ITGB4: variants seen among roughly 807,000 people sequenced by gnomAD.
ITGB4 encodes integrin subunit beta 4.
A neutral mutation model predicts 207.6 loss-of-function variants in ITGB4; 159 were observed. That is an observed-to-expected ratio of 0.77 (90% confidence interval 0.67 to 0.87). The LOEUF (loss-of-function observed/expected upper bound fraction) is 0.87, where lower values mean the gene tolerates loss of function less well. Ranked by LOEUF, ITGB4 falls within the 40% of genes least tolerant of loss-of-function variation. ITGB4 has a pLI of 0.00. For missense variants in ITGB4, 2,278 were observed against 2,546.8 expected (o/e 0.89, Z 2.27); for synonymous variants, 1,020 against 1,062.7 (o/e 0.96, Z 0.78).
chr17:75,754,352 G>A (rs760207911), intron 33 of ITGB4: 26 of 614,910 alleles, frequency 4.2e-5, no homozygotes, highest in Non-Finnish European at 6.6e-5. Context: ...TGCTCACACC[G>A]ATAGAGTGGC....
At position 75,737,568 on chromosome 17, in the gene ITGB4, TC is replaced by T; in HGVS notation, c.2149del (p.Leu717CysfsTer52). 6.3e-7 allele frequency: 1 copy of T among 1,596,452 alleles called. No individual in the cohort carries two copies. ...DCPPGSFWWL[I>X]PLLLLLLPLL... The stretch of plus-strand genomic sequence containing the variant: ...CCTCCGGGCTCCTTCTGGTGGCTCA[TC>T]CCCCTGCTCCTCCTCCTCCTGCCGC... On this transcript the variant is annotated frameshift_variant, in exon 18 of 40. Coordinates refer to ENST00000200181, the MANE Select transcript of ITGB4 (RefSeq NM_000213.5). LOFTEE classifies it high-confidence loss of function.
At position 75,731,471 on chromosome 17, in the gene ITGB4, C is replaced by T. The variant is rs1233113605; in HGVS notation, c.1215+103C>T. ...CAAGAGCGTGGCCCCTGGAGTCAGG[C>T]AGGCCTGGGTGCAGATCCCTGGGCC... On this transcript the variant is annotated intron_variant, in intron 10 of 39. Transcript: ENST00000200181. The surrounding 1 kb of genome is among the most constrained non-coding windows in gnomAD (Gnocchi z 6.8). 2 of 1,254,698 alleles carry T rather than the reference C, an allele frequency of 1.6e-6. No homozygotes were observed. Among genetic ancestry groups the T allele is most frequent in the Non-Finnish European group, 2.2e-6 (2 of 891,958 alleles). 77.7% of individuals were successfully genotyped at this position (1,254,698 alleles called of 1,614,324 possible).
At position 75,750,169 on chromosome 17, in the gene ITGB4, C is replaced by A; in HGVS notation, c.3375C>A (p.Gly1125=). 4 of 1,613,864 alleles carry A rather than the reference C, an allele frequency of 2.5e-6. No homozygotes were observed. The highest frequency in any genetic ancestry group is 3.4e-6 in the Non-Finnish European group (4 of 1,180,028). Residue 1125 remains glycine, a synonymous_variant, in exon 28 of 40, where the codon GGC becomes GGA. Transcript: ENST00000200181. The surrounding 1 kb of genome is among the most constrained non-coding windows in gnomAD (Gnocchi z 5.5). ...TGTCATCACAGCCACCCCCTCACGG[C>A]GACCTGGGCGCCCCGCAGAACCCCA... ...QMLSSQPPPH[G]DLGAPQNPNA...
chr17:75,729,469 C>A lies in ITGB4; in HGVS notation c.738+33C>A. On this transcript the variant is annotated intron_variant, in intron 7 of 39. Transcript: ENST00000200181. The surrounding 1 kb of genome is among the most constrained non-coding windows in gnomAD (Gnocchi z 4.4). The stretch of plus-strand genomic sequence containing the variant: ...CTGGGAAGGGTGCTGCCAGCCTAGG[C>A]CAGGGGTGAGCACTTCTGGGCAAGG... 1 of 1,607,916 alleles carries A rather than the reference C, an allele frequency of 6.2e-7. No individual in the cohort carries two copies.
chr17:75,737,205 A>T (rs1209657916), intron 16 of ITGB4, 117 bp from the exon 17 acceptor site: 5 of 1,316,772 alleles, frequency 3.8e-6, no homozygotes, highest in Non-Finnish European at 5.2e-6. Context: ...ACTCTTCCCC[A>T]GGAGGCCCTG....
At chr17:75,746,957 A>C (rs939852871) in intron 26 of ITGB4, among the ~76,000 whole-genome samples, 1 of 147,484 alleles carries the variant, frequency 6.8e-6, no homozygotes. Context: ...AAAAGCTTTG[A>C]TATTTGTTTT....
At chr17:75,754,461 T>C in intron 33 of ITGB4, 115 bp from the exon 34 acceptor site, 1 of 1,378,426 alleles carries the variant, frequency 7.3e-7, no homozygotes, top group South Asian at 1.2e-5. Context: ...ACTGGTTGTA[T>C]TTAAGCAAAA....
At chr17:75,751,703 C>T (rs963699820) in intron 30 of ITGB4, 14 of 228,100 alleles carry the variant, frequency 6.1e-5, no homozygotes, top group Non-Finnish European at 9.7e-5. Flanking sequence ...ATCGTGTTAC[C>T]GCACTCCAGA....
intron 35 of ITGB4, among the ~76,000 whole-genome samples, chr17:75,756,094 C>T (rs893148041): frequency 1.3e-5 from 2 of 152,220 alleles, no homozygotes; most frequent in South Asian, 2.1e-4. Flanking sequence ...TTTTGCCTAA[C>T]AAGGCCCCTT....
intron 39 of ITGB4, 41 bp from the exon 40 acceptor site, chr17:75,757,375 C>T (rs537736971): frequency 1.9e-6 from 3 of 1,612,866 alleles, no homozygotes; most frequent in African/African-American, 2.7e-5. Flanking sequence ...GGGAGAAGGG[C>T]AGACCCCAAG....
rs1342757841 is a variant in ITGB4 at position 75,752,578 on chromosome 17, G to A, written c.4108+1G>A. 2 of 1,613,520 alleles carry A rather than the reference G, an allele frequency of 1.2e-6. No individual in the cohort carries two copies. Among genetic ancestry groups the A allele is most frequent in the African/African-American group, 1.3e-5 (1 of 75,062 alleles). ...AGGCCCAGCGTCTCCGATGACACTG[G>A]TGAGTGGAGACCTGGGACCCACAAG... On this transcript the variant is annotated splice_donor_variant, in intron 32 of 39. Coordinates refer to ENST00000200181, the MANE Select transcript of ITGB4 (RefSeq NM_000213.5). LOFTEE classifies it high-confidence loss of function.
Position 75,742,587 on chromosome 17 carries a change from C to G in ITGB4, c.2788C>G (p.Arg930Gly). ...YYTLTADQDA[R>G]GMVEFQEGVE... ...ACCTCCGAACCCCCACCCAGACGCC[C>G]GGGGCATGGTGGAGTTCCAGGAGGG... The change falls in exon 25 of 40, where the codon CGG becomes GGG. Residue 930 changes from arginine (R) to glycine (G), a missense_variant. Coordinates refer to ENST00000200181, the MANE Select transcript of ITGB4 (RefSeq NM_000213.5). The surrounding 1 kb of genome is among the most constrained non-coding windows in gnomAD (Gnocchi z 5.9). The G allele has an allele frequency of 6.2e-7, 1 of 1,613,924 alleles. No individual in the cohort carries two copies. Among genetic ancestry groups the G allele is most frequent in the Non-Finnish European group, 8.5e-7 (1 of 1,180,012 alleles).
At position 75,730,760 on chromosome 17, in the gene ITGB4, C is replaced by T. The variant is rs369751306; in HGVS notation, c.1003-115C>T. On this transcript the variant is annotated intron_variant, in intron 8 of 39. Coordinates refer to ENST00000200181, the MANE Select transcript of ITGB4 (RefSeq NM_000213.5). ...GTGGGGGCTAAGAGGGCAGGCTCTG[C>T]GACACCACAGTAGGTTCCAGGCCTC... The T allele has an allele frequency of 3.0e-4, 337 of 1,114,254 alleles. 1 individual carries two copies. The highest frequency in any genetic ancestry group is 1.9e-3 in the African/African-American group (126 of 65,600). The allele number at this position is 1,114,254 out of a possible 1,614,324, so 69.0% of individuals were successfully genotyped here. A position where few individuals can be genotyped will look rare whatever the true frequency, so the allele number is the denominator to read the frequency against.
chr17:75,745,886 GA>G (rs200421144), intron 26 of ITGB4, among the ~76,000 whole-genome samples: 21 of 149,172 alleles, frequency 1.4e-4, no homozygotes, highest in South Asian at 8.6e-4. Context: ...CTCGAAAAAA[GA>G]AAAAAAAAAT....
Position 75,740,295 on chromosome 17 carries a change from T to A in ITGB4, c.2447-63T>A. ...GCATGGTTGCTGGAGGGATGCTCTG[T>A]GGTGCCTGTCATGCAGGGGGCTGAC... is the stretch of plus-strand genomic sequence containing the variant. On this transcript the variant is annotated intron_variant, in intron 20 of 39. Coordinates refer to ENST00000200181, the MANE Select transcript of ITGB4 (RefSeq NM_000213.5). The surrounding 1 kb of genome is among the most constrained non-coding windows in gnomAD (Gnocchi z 5.9). 4.9e-6 allele frequency: 7 copies of A among 1,436,330 alleles called. No homozygotes were observed. The South Asian group carries it at 8.3e-5, about 17-fold the overall frequency. 89.0% of individuals were successfully genotyped at this position (1,436,330 alleles called of 1,614,324 possible). A position where few individuals can be genotyped will look rare whatever the true frequency, so the allele number is the denominator to read the frequency against.
At chr17:75,733,725 C>T (rs767433848) in intron 13 of ITGB4, 33 bp downstream of exon 13, 12 of 1,603,422 alleles carry the variant, frequency 7.5e-6, no homozygotes, top group African/African-American at 2.7e-5. Flanking sequence ...ATGCTGATGG[C>T]GGGGTAGGGA....
Position 75,729,915 on chromosome 17 carries a change from G to A in ITGB4, c.739-326G>A, listed in dbSNP as rs3851022. ...TCCCAGCACTTTGGGAGGCCGAGGC[G>A]GGGGGATTGCTTGAATTCAGGATTT... On this transcript the variant is annotated intron_variant, in intron 7 of 39. Transcript: ENST00000200181. This position sits in a 1 kb window ranked among gnomAD's most constrained non-coding sequence, Gnocchi z 4.4. Among the ~76,000 whole-genome samples the A allele has an allele frequency of 2.4e-4, 36 of 152,330 alleles. No homozygotes were observed. Among genetic ancestry groups the A allele is most frequent in the African/African-American group, 7.2e-4 (30 of 41,560 alleles).
intron 25 of ITGB4, 91 bp from the exon 26 acceptor site, chr17:75,743,622 T>TCTGGG (rs1417921739): frequency 5.7e-6 from 9 of 1,576,264 alleles, no homozygotes; most frequent in Non-Finnish European, 7.8e-6. Context: ...ACTCCTGGAT[T>TCTGGG]CTGGGCTGGG....
chr17:75,744,979 G>A (rs1367509677), intron 26 of ITGB4, among the ~76,000 whole-genome samples: 5 of 152,070 alleles, frequency 3.3e-5, no homozygotes, highest in African/African-American at 7.2e-5. Flanking sequence ...TGGCCAGGCT[G>A]GTCTTAAACT....
Sources: gnomAD v4.1 joint callset for allele counts (sites outside exome capture counted in the v4.1 genomes callset) on GRCh38, gnomAD v4.1.1 for gene constraint, Gnocchi (gnomAD v3.1) non-coding constraint, MANE v1.5 for transcripts, NCBI Gene and HGNC (gene_info 2026-07-23, HGNC 2026-07-21) for gene names.